GMPS: variants seen among roughly 807,000 people sequenced by gnomAD.
GMPS encodes GMP synthase [glutamine-hydrolyzing].
GMPS carries 15 observed loss-of-function variants against 77.9 expected under a neutral mutation model. The ratio of observed to expected loss-of-function variants is 0.19; its 90% CI spans 0.13 to 0.30. The LOEUF (loss-of-function observed/expected upper bound fraction) is 0.30. Ranked by LOEUF, GMPS falls within the 10% of genes least tolerant of loss-of-function variation. GMPS has a pLI of 1.00. For missense variants in GMPS, 590 were observed against 838.8 expected (o/e 0.70, Z 3.66); for synonymous variants, 224 against 275.9 (o/e 0.81, Z 1.86).
At chr3:155,926,358 G>A (rs1200081413) in intron 12 of GMPS, among the ~76,000 whole-genome samples, 1 of 152,140 alleles carries the variant, frequency 6.6e-6, no homozygotes, top group Non-Finnish European at 1.5e-5. Context: ...AAAAGTGTGG[G>A]AGGGTAGGGA....
rs1553789744 is a variant in GMPS, at chr3:155,940,749, T to TTG, written c.*3058_*3059insGT. On this transcript the variant is annotated 3_prime_UTR_variant, in exon 16 of 16. Transcript: ENST00000496455. ...GGAGAAGCTGGATAGTGTTTTTTTT[T>TTG]TTTTTTTTTAAGGTTCTTTTATCAT... The TTG allele has an allele frequency of 9.0e-6, 2 of 222,646 alleles. No homozygotes were observed. The highest frequency in any genetic ancestry group is 4.5e-5 in the African/African-American group (2 of 44,558). 13.8% of individuals were successfully genotyped at this position (222,646 alleles called of 1,614,324 possible). A position where few individuals can be genotyped will look rare whatever the true frequency, so the allele number is the denominator to read the frequency against.
intron 13 of GMPS, among the ~76,000 whole-genome samples, chr3:155,933,495 G>T (rs527576788): frequency 1.3e-5 from 2 of 152,086 alleles, no homozygotes; most frequent in South Asian, 4.2e-4. Context: ...ATGAACTTTA[G>T]GAACTGTATT....
chr3:155,871,992 G>A (rs959319436), intron 1 of GMPS, among the ~76,000 whole-genome samples: 4 of 152,130 alleles, frequency 2.6e-5, no homozygotes, highest in Non-Finnish European at 4.4e-5. Context: ...TTTGAATTGC[G>A]ATTTACTTCA....
chr3:155,931,696 AAG>A, intron 12 of GMPS, 67 bp from the exon 13 acceptor site: 4 of 609,970 alleles, frequency 6.6e-6, no homozygotes, highest in South Asian at 2.2e-5. Flanking sequence ...AAAAAAAAAA[AAG>A]CTTTGTCAAG....
intron 1 of GMPS, among the ~76,000 whole-genome samples, chr3:155,892,334 T>C (rs1440871867): frequency 6.6e-6 from 1 of 152,096 alleles, no homozygotes; most frequent in African/African-American, 2.4e-5. Context: ...TTTTAAAGCG[T>C]TTCTTTATGT....
chr3:155,888,397 A>G (rs1754388049), intron 1 of GMPS, among the ~76,000 whole-genome samples: 1 of 151,868 alleles, frequency 6.6e-6, no homozygotes, highest in Admixed American at 6.6e-5. Context: ...TTATTCTCAT[A>G]GAGACATCAT....
chr3:155,936,192 G>C (rs1180319366), intron 14 of GMPS, 146 bp from the exon 15 acceptor site: 1 of 602,168 alleles, frequency 1.7e-6, no homozygotes, highest in Non-Finnish European at 3.0e-6. Flanking sequence ...TGCTCTGCGA[G>C]TAGCTGAAAT....
intron 1 of GMPS, among the ~76,000 whole-genome samples, chr3:155,886,002 G>C (rs1429322089): frequency 6.6e-6 from 1 of 151,924 alleles, no homozygotes; most frequent in African/African-American, 2.4e-5. Flanking sequence ...TCTATTTTTA[G>C]TAGAGATGAG....
intron 3 of GMPS, among the ~76,000 whole-genome samples, chr3:155,903,100 G>T (rs62286843): frequency 0.054 from 8,284 of 152,206 alleles, 318 homozygotes; most frequent in East Asian, 0.18. Flanking sequence ...ATTACACATT[G>T]TTAAGGCAGA....
At chr3:155,922,405 G>A (rs1755341914) in intron 11 of GMPS, 103 bp downstream of exon 11, 1 of 539,722 alleles carries the variant, frequency 1.9e-6, no homozygotes, top group South Asian at 3.0e-5. Flanking sequence ...TGAAAATTTG[G>A]TGTAATATAA....
At chr3:155,906,027 A>C (rs896015499) in intron 4 of GMPS, 133 bp from the exon 5 acceptor site, 1 of 487,058 alleles carries the variant, frequency 2.1e-6, no homozygotes, top group African/African-American at 2.0e-5. Flanking sequence ...GAATTCTAGC[A>C]GTATTCCATT....
intron 12 of GMPS, 122 bp downstream of exon 12, chr3:155,925,488 T>C: frequency 1.6e-6 from 1 of 621,468 alleles, no homozygotes; most frequent in Non-Finnish European, 2.7e-6. Flanking sequence ...CATTGCAACC[T>C]CCGCCTCCTG....
chr3:155,935,175 C>G (rs1755732176), intron 14 of GMPS, 129 bp downstream of exon 14: 4 of 714,974 alleles, frequency 5.6e-6, no homozygotes, highest in Middle Eastern at 2.4e-4. Context: ...TTTGAATGTT[C>G]TATGATGTTG....
At chr3:155,897,779 G>A in intron 2 of GMPS, 148 bp from the exon 3 acceptor site, 1 of 625,158 alleles carries the variant, frequency 1.6e-6, no homozygotes, top group Non-Finnish European at 2.9e-6. Flanking sequence ...ACAATTCGCT[G>A]TGATATAATT....
At chr3:155,921,148 G>T (rs936270045) in intron 10 of GMPS, among the ~76,000 whole-genome samples, 11 of 152,150 alleles carry the variant, frequency 7.2e-5, no homozygotes, top group Non-Finnish European at 1.6e-4. Context: ...GCTGCTAGGG[G>T]AGGGTAAGGC....
rs191258782 is a variant in GMPS at position 155,941,496 on chromosome 3, G to A, written c.*3804G>A. On this transcript the variant is annotated 3_prime_UTR_variant, in exon 16 of 16. Coordinates refer to ENST00000496455, the MANE Select transcript of GMPS (RefSeq NM_003875.3). ...TTAATTGTCTCCTTACTTACAGTGA[G>A]TTTCTAGAGATAGCCCTGTCTTTCA... is the stretch of plus-strand genomic sequence containing the variant. The A allele has an allele frequency of 1.3e-4, 27 of 213,710 alleles. No homozygotes were observed. In the East Asian group the frequency reaches 1.8e-3, roughly 14 times the overall value. The allele number at this position is 213,710 out of a possible 1,614,324, so 13.2% of individuals were successfully genotyped here. A position where few individuals can be genotyped will look rare whatever the true frequency, so the allele number is the denominator to read the frequency against.
intron 1 of GMPS, among the ~76,000 whole-genome samples, chr3:155,875,493 G>A (rs1403149157): frequency 6.6e-6 from 1 of 152,248 alleles, no homozygotes; most frequent in Non-Finnish European, 1.5e-5. Flanking sequence ...ACCTCCCAAA[G>A]TGCTAAGATG....
intron 2 of GMPS, among the ~76,000 whole-genome samples, chr3:155,897,053 A>G (rs111244566): frequency 6.6e-6 from 1 of 152,166 alleles, no homozygotes. Flanking sequence ...TTGAAGGTGC[A>G]AGCCACTTTA....
chr3:155,934,608 G>A (rs1297875827), intron 13 of GMPS, among the ~76,000 whole-genome samples: 1 of 151,984 alleles, frequency 6.6e-6, no homozygotes, highest in African/African-American at 2.4e-5. Context: ...GAAGTTTTGG[G>A]GATACTCTTC....
Sources: gnomAD v4.1 joint callset for allele counts (sites outside exome capture counted in the v4.1 genomes callset) on GRCh38, gnomAD v4.1.1 for gene constraint, MANE v1.5 for transcripts, NCBI Gene and HGNC (gene_info 2026-07-23, HGNC 2026-07-21) for gene names.